The following SOBP variants were observed in gnomAD, a reference collection of about 807,000 sequenced individuals.
The protein encoded by SOBP is sine oculis binding protein homolog, also known as sine oculis-binding protein homolog.
In SOBP, 4 loss-of-function variants were observed where a neutral mutation model predicts 53.6. The observed-to-expected ratio is 0.07, with a 90% CI of 0.04 to 0.17. The LOEUF (loss-of-function observed/expected upper bound fraction) is 0.17, where lower values mean the gene tolerates loss of function less well. SOBP is among the 10% of genes least tolerant of loss of function. SOBP has a pLI of 1.00. For synonymous variants in SOBP, 584 were observed against 522.6 expected, an observed-to-expected ratio of 1.12 and a Z score of -1.60; for missense variants, 1,088 against 1,204.7, an observed-to-expected ratio of 0.90 and a Z score of 1.43.
intron 6 of SOBP, among the ~76,000 whole-genome samples, chr6:107,652,866 T>C (rs1771864899): frequency 6.6e-6 from 1 of 152,156 alleles, no homozygotes; most frequent in Admixed American, 6.5e-5. Context: ...TTTTTTTTTT[T>C]TTACAAATAA....
intron 1 of SOBP, among the ~76,000 whole-genome samples, chr6:107,497,693 G>T (rs1355864960): frequency 6.6e-6 from 1 of 152,054 alleles, no homozygotes. Flanking sequence ...CAATAAAAAT[G>T]TATCTACAGT....
chr6:107,567,562 A>C (rs562333943), intron 4 of SOBP, among the ~76,000 whole-genome samples: 1 of 152,342 alleles, frequency 6.6e-6, no homozygotes, highest in Admixed American at 6.5e-5. Context: ...GTATTCTGTG[A>C]GATAAAATGA....
chr6:107,490,429 G>A lies in SOBP; in HGVS notation c.-188G>A, dbSNP rs1024351960. On this transcript the variant is annotated 5_prime_UTR_variant, in exon 1 of 7. Coordinates refer to ENST00000317357, the MANE Select transcript of SOBP (RefSeq NM_018013.4). Reference sequence around the variant, plus strand: ...CCCGTGACAGCCACTGACGTCCTCCGCCGCTAGAAGAGACCCCGCTTCTCG... The same window carrying A: ...CCCGTGACAGCCACTGACGTCCTCCACCGCTAGAAGAGACCCCGCTTCTCG... The A allele has an allele frequency of 1.3e-5, 7 of 527,048 alleles. No homozygotes were observed. The highest frequency in any genetic ancestry group is 2.0e-5 in the Non-Finnish European group (6 of 293,648). The allele number at this position is 527,048 out of a possible 1,614,324, so 32.6% of individuals were successfully genotyped here. A position where few individuals can be genotyped will look rare whatever the true frequency, so the allele number is the denominator to read the frequency against.
At chr6:107,498,646 G>A (rs1320308833) in intron 1 of SOBP, among the ~76,000 whole-genome samples, 1 of 152,180 alleles carries the variant, frequency 6.6e-6, no homozygotes, top group Non-Finnish European at 1.5e-5. Flanking sequence ...AGTTGAATAA[G>A]GAAGGTGTTT....
chr6:107,645,718 G>A (rs776622577), intron 6 of SOBP, among the ~76,000 whole-genome samples: 15 of 152,316 alleles, frequency 9.8e-5, no homozygotes, highest in South Asian at 6.2e-4. Context: ...GAATGAAAGC[G>A]TCTCCATAGA....
chr6:107,509,408 AAAC>A, intron 3 of SOBP, among the ~76,000 whole-genome samples: 1 of 151,664 alleles, frequency 6.6e-6, no homozygotes, highest in Non-Finnish European at 1.5e-5. Context: ...AAAAAAAAAA[AAAC>A]AAAACAAAAA....
At chr6:107,602,932 G>C (rs1786238130) in intron 5 of SOBP, among the ~76,000 whole-genome samples, 1 of 151,418 alleles carries the variant, frequency 6.6e-6, no homozygotes, top group Non-Finnish European at 1.5e-5. Flanking sequence ...TATTCTTCTG[G>C]GTAAAGTGAT....
At chr6:107,518,874 T>A (rs903264978) in intron 3 of SOBP, among the ~76,000 whole-genome samples, 1 of 151,982 alleles carries the variant, frequency 6.6e-6, no homozygotes, top group African/African-American at 2.4e-5. Context: ...TTTAAGCAAC[T>A]AAGCCCTAGA....
intron 4 of SOBP, among the ~76,000 whole-genome samples, chr6:107,538,169 A>G (rs76164495): frequency 0.019 from 2,914 of 152,270 alleles, 96 homozygotes; most frequent in African/African-American, 0.064. Context: ...ATTTGGAGTT[A>G]TATTTTATTT....
In SOBP at chr6:107,490,216, A is replaced by C. The variant is rs1440699865; in HGVS notation, c.-401A>C. The C allele has an allele frequency of 6.7e-6, 1 of 148,964 alleles. No homozygotes were observed. The highest frequency in any genetic ancestry group is 1.5e-5 in the Non-Finnish European group (1 of 66,524). The allele number at this position is 148,964 out of a possible 1,614,324, so 9.2% of individuals were successfully genotyped here. A position where few individuals can be genotyped will look rare whatever the true frequency, so the allele number is the denominator to read the frequency against. On this transcript the variant is annotated 5_prime_UTR_variant, in exon 1 of 7. Transcript: ENST00000317357. ...CCATGCGGACGGACCGAGCGACGGA[A>C]GATGGCTGACGACTCCACGGGGCCC...
intron 3 of SOBP, among the ~76,000 whole-genome samples, chr6:107,533,092 C>G (rs1475129697): frequency 1.3e-5 from 2 of 151,632 alleles, no homozygotes; most frequent in Non-Finnish European, 2.9e-5. Flanking sequence ...CAGGCTTTCA[C>G]AGGACCTTTG....
chr6:107,533,844 T>C (rs1263811347), intron 4 of SOBP, among the ~76,000 whole-genome samples: 1 of 152,234 alleles, frequency 6.6e-6, no homozygotes, highest in Non-Finnish European at 1.5e-5. Flanking sequence ...ATGAATCTGA[T>C]GAGGACACTG....
At chr6:107,492,322 G>A (rs1242273517) in intron 1 of SOBP, among the ~76,000 whole-genome samples, 3 of 152,152 alleles carry the variant, frequency 2.0e-5, no homozygotes, top group South Asian at 2.1e-4. Flanking sequence ...TTGGGGGTGG[G>A]GAAGGGGGAG....
Position 107,634,697 on chromosome 6 carries a change from G to A in SOBP, c.1853G>A (p.Ser618Asn). Residue 618 changes from serine to asparagine, a missense_variant, in exon 6 of 7, where the codon AGC (serine) becomes AAC (asparagine). Physicochemically the swap from Ser to Asn is conservative, Grantham distance 46. This residue lies in a region of SOBP where 665 missense variants were observed against 629.7 expected (regional missense o/e 1.06). Coordinates refer to ENST00000317357, the MANE Select transcript of SOBP (RefSeq NM_018013.4). The surrounding 1 kb of genome is among the most constrained non-coding windows in gnomAD (Gnocchi z 4.5). ...LAPTPAEHGR[S>N]EVVDLTRRAG... is the part of the protein sequence containing the mutation. Reference sequence around the variant, plus strand: ...CCCACGCCCGCCGAGCATGGCCGGAGCGAGGTGGTGGACCTGACGCGGCGC... The same window carrying A: ...CCCACGCCCGCCGAGCATGGCCGGAACGAGGTGGTGGACCTGACGCGGCGC... 1 of 1,514,078 alleles carries A rather than the reference G, an allele frequency of 6.6e-7. No homozygotes were observed. Among genetic ancestry groups the A allele is most frequent in the Non-Finnish European group, 8.8e-7 (1 of 1,138,092 alleles). The allele number at this position is 1,514,078 out of a possible 1,614,324, so 93.8% of individuals were successfully genotyped here.
intron 3 of SOBP, among the ~76,000 whole-genome samples, chr6:107,519,620 C>G (rs930883903): frequency 1.3e-5 from 2 of 152,308 alleles, no homozygotes; most frequent in Non-Finnish European, 2.9e-5. Flanking sequence ...CATTTGCAAA[C>G]CAGCAGTGTA....
At position 107,607,787 on chromosome 6, in the gene SOBP, T is replaced by C. The variant is rs73762284; in HGVS notation, c.669+20612T>C. On this transcript the variant is annotated intron_variant, in intron 5 of 6. Transcript: ENST00000317357. Reference sequence around the variant, plus strand: ...TTCAGTTCAAATATAGAACTAACCATATCAGCATTTCATGGGGTTCCATAG... The same window carrying C: ...TTCAGTTCAAATATAGAACTAACCACATCAGCATTTCATGGGGTTCCATAG... Among the ~76,000 whole-genome samples, 172 of 152,358 alleles carry C rather than the reference T, an allele frequency of 1.1e-3. 1 individual carries two copies. The highest frequency in any genetic ancestry group is 3.7e-3 in the African/African-American group (154 of 41,586).
chr6:107,528,687 A>G (rs1554291472), intron 3 of SOBP, among the ~76,000 whole-genome samples: 1 of 152,116 alleles, frequency 6.6e-6, no homozygotes, highest in Non-Finnish European at 1.5e-5. Context: ...TTCTTTGTCT[A>G]TTGTTGTGTC....
chr6:107,554,389 C>T (rs191027222), intron 4 of SOBP, among the ~76,000 whole-genome samples: 1 of 152,162 alleles, frequency 6.6e-6, no homozygotes, highest in Non-Finnish European at 1.5e-5. Flanking sequence ...TGGGGAAGCT[C>T]TAGTCGTGGT....
chr6:107,499,161 C>T (rs546359550), intron 1 of SOBP, among the ~76,000 whole-genome samples: 40 of 152,168 alleles, frequency 2.6e-4, no homozygotes, highest in Non-Finnish European at 3.8e-4. Flanking sequence ...TTTGCAATTG[C>T]GGATACATTG....
Sources: gnomAD v4.1 joint callset for allele counts (sites outside exome capture counted in the v4.1 genomes callset) on GRCh38, gnomAD v4.1.1 for gene constraint, gnomAD v4.1.1 regional missense constraint, Gnocchi (gnomAD v3.1) non-coding constraint, MANE v1.5 for transcripts, NCBI Gene and HGNC (gene_info 2026-07-23, HGNC 2026-07-21) for gene names.